PAN3: variants seen among roughly 807,000 people sequenced by gnomAD.
The protein encoded by PAN3 is PAN2-PAN3 deadenylation complex subunit PAN3.
Under a neutral mutation model 96.2 loss-of-function variants are expected in PAN3, and 19 were observed. That is an observed-to-expected ratio of 0.20 (90% CI 0.14 to 0.29). The LOEUF is 0.29. PAN3 is among the 10% of genes least tolerant of loss of function. PAN3 has a pLI of 1.00. For missense variants in PAN3, 882 were observed against 1,108.1 expected (o/e 0.80, Z 2.90); for synonymous variants, 433 against 406.6 (o/e 1.06, Z -0.78).
intron 1 of PAN3, among the ~76,000 whole-genome samples, chr13:28,141,003 C>CTTT (rs979248659): frequency 1.1e-4 from 12 of 112,942 alleles, no homozygotes; most frequent in Non-Finnish European, 1.1e-4. Flanking sequence ...GAAAGAGACA[C>CTTT]TTTTTTTTTT....
intron 1 of PAN3, among the ~76,000 whole-genome samples, chr13:28,147,590 C>T (rs1046185359): frequency 2.6e-5 from 4 of 152,134 alleles, no homozygotes; most frequent in African/African-American, 7.2e-5. Context: ...GTTGTTTACC[C>T]TCCTAATTGA....
intron 5 of PAN3, among the ~76,000 whole-genome samples, chr13:28,197,656 T>C (rs1243422921): frequency 6.6e-6 from 1 of 151,994 alleles, no homozygotes; most frequent in Non-Finnish European, 1.5e-5. Context: ...CACTGTAACC[T>C]CCACCTCCCA....
intron 9 of PAN3, among the ~76,000 whole-genome samples, chr13:28,264,092 AG>A (rs1195704291): frequency 1.3e-5 from 2 of 152,166 alleles, no homozygotes; most frequent in Non-Finnish European, 2.9e-5. Context: ...TTTCTTCTGT[AG>A]GAAATATTTT....
intron 5 of PAN3, chr13:28,215,946 A>G (rs1880704027): frequency 9.4e-7 from 1 of 1,063,364 alleles, no homozygotes; most frequent in Non-Finnish European, 1.4e-6. Context: ...TGGTGGAAGA[A>G]TGGTCTCAGG....
rs551801734 is a variant in PAN3, at chr13:28,228,995, A to G, written c.1000+8617A>G. 2.6e-4 allele frequency among the ~76,000 whole-genome samples: 40 copies of G among 152,334 alleles called. No individual in the cohort carries two copies. In the East Asian group the frequency reaches 7.3e-3, roughly 28 times the overall value. On this transcript the variant is annotated intron_variant, in intron 6 of 18. Coordinates refer to ENST00000380958, the MANE Select transcript of PAN3 (RefSeq NM_175854.8). ...CATAGCTTATAAGGGACACAGGGGAAGAGCTTCTCAGCATCTCTCAAGTGA... is the reference window on the plus strand; with the variant it reads ...CATAGCTTATAAGGGACACAGGGGAGGAGCTTCTCAGCATCTCTCAAGTGA...
At chr13:28,165,482 C>T (rs911291763) in intron 1 of PAN3, among the ~76,000 whole-genome samples, 2 of 151,860 alleles carry the variant, frequency 1.3e-5, no homozygotes, top group Non-Finnish European at 2.9e-5. Flanking sequence ...CTTTTATGTC[C>T]CACGTGTACC....
intron 13 of PAN3, 75 bp downstream of exon 13, chr13:28,270,941 G>T: frequency 5.2e-6 from 7 of 1,354,474 alleles, no homozygotes; most frequent in Admixed American, 4.2e-5. Flanking sequence ...AAACATGATT[G>T]TTTTAATTCT....
At chr13:28,239,747 C>G in intron 6 of PAN3, 1 of 1,096,360 alleles carries the variant, frequency 9.1e-7, no homozygotes, top group Non-Finnish European at 1.2e-6. Context: ...TTTTAATTCC[C>G]CTAATCATAA....
intron 5 of PAN3, among the ~76,000 whole-genome samples, chr13:28,207,449 T>C (rs1005314733): frequency 6.6e-5 from 10 of 152,154 alleles, no homozygotes; most frequent in African/African-American, 2.4e-4. Flanking sequence ...GGAAAAAAGG[T>C]CAAAATCCCT....
intron 1 of PAN3, among the ~76,000 whole-genome samples, chr13:28,169,940 G>C (rs1307440763): frequency 2.0e-5 from 3 of 151,974 alleles, no homozygotes; most frequent in Non-Finnish European, 4.4e-5. Context: ...CCAGCTACTT[G>C]GGAGGCTGAG....
At chr13:28,280,723 C>T (rs371488136) in intron 16 of PAN3, among the ~76,000 whole-genome samples, 182 bp downstream of exon 16, 5 of 151,486 alleles carry the variant, frequency 3.3e-5, no homozygotes, top group East Asian at 2.0e-4. Context: ...CACCACACCC[C>T]GCTATTTTTG....
intron 1 of PAN3, among the ~76,000 whole-genome samples, chr13:28,170,768 A>G (rs1346995805): frequency 6.8e-6 from 1 of 146,506 alleles, no homozygotes; most frequent in Non-Finnish European, 1.5e-5. Context: ...AAAGAAAGTC[A>G]TAAGATAAAT....
intron 1 of PAN3, among the ~76,000 whole-genome samples, chr13:28,165,497 A>G (rs1486534724): frequency 3.9e-5 from 6 of 151,948 alleles, no homozygotes; most frequent in African/African-American, 1.2e-4. Context: ...TGTACCATTT[A>G]CTAGTGTTGT....
At chr13:28,213,666 C>CA (rs1880332814) in intron 5 of PAN3, among the ~76,000 whole-genome samples, 2 of 135,524 alleles carry the variant, frequency 1.5e-5, no homozygotes, top group Non-Finnish European at 3.1e-5. Flanking sequence ...TTGTGAGTCT[C>CA]ACATTATGTC....
At chr13:28,229,593 G>A (rs989724210) in intron 6 of PAN3, among the ~76,000 whole-genome samples, 2 of 152,176 alleles carry the variant, frequency 1.3e-5, no homozygotes, top group African/African-American at 4.8e-5. Context: ...CAATGAATTA[G>A]TTATAACTTT....
chr13:28,215,900 A>G, intron 5 of PAN3: 1 of 1,279,832 alleles, frequency 7.8e-7, no homozygotes. Flanking sequence ...CTAAATGAAT[A>G]TTATCCCTAA....
intron 6 of PAN3, among the ~76,000 whole-genome samples, chr13:28,246,193 T>A (rs1020204982): frequency 6.6e-6 from 1 of 152,188 alleles, no homozygotes. Flanking sequence ...CATTTGTATG[T>A]GTTCTTTGGA....
At chr13:28,207,648 A>G (rs967396911) in intron 5 of PAN3, among the ~76,000 whole-genome samples, 1 of 152,226 alleles carries the variant, frequency 6.6e-6, no homozygotes, top group Non-Finnish European at 1.5e-5. Context: ...GAATTCATAC[A>G]TACGGTCTTA....
chr13:28,173,293 C>T (rs1874537778), intron 1 of PAN3, among the ~76,000 whole-genome samples: 1 of 151,830 alleles, frequency 6.6e-6, no homozygotes, highest in African/African-American at 2.4e-5. Flanking sequence ...TCTTTTTTTT[C>T]CCATTTCACA....
Sources: allele counts gnomAD v4.1 joint callset (sites outside exome capture counted in the v4.1 genomes callset), GRCh38; gene constraint gnomAD v4.1.1; transcripts MANE v1.5; gene names NCBI Gene and HGNC (gene_info 2026-07-23, HGNC 2026-07-21).